The following ATP8B4 variants were observed in gnomAD, a reference collection of about 807,000 sequenced individuals.
The protein encoded by ATP8B4 is ATPase phospholipid transporting 8B4 (putative), also known as probable phospholipid-transporting ATPase IM.
A neutral mutation model predicts 145.6 loss-of-function variants in ATP8B4; 133 were observed. That is an observed-to-expected ratio of 0.91 (90% confidence interval 0.79 to 1.05). The LOEUF (loss-of-function observed/expected upper bound fraction) is 1.05. ATP8B4 is among the 50% of genes least tolerant of loss of function. ATP8B4 has a pLI of 0.00. For missense variants in ATP8B4, 1,458 were observed against 1,425.2 expected (o/e 1.02, Z -0.37); for synonymous variants, 507 against 492.9 (o/e 1.03, Z -0.38).
Position 49,862,512 on chromosome 15 carries a change from A to C in ATP8B4, c.3167-137T>G, listed in dbSNP as rs1244068553. 3.9e-6 allele frequency: 4 copies of C among 1,017,732 alleles called. No homozygotes were observed. In the African/African-American group the frequency reaches 6.7e-5, roughly 17 times the overall value. 63.0% of individuals were successfully genotyped at this position (1,017,732 alleles called of 1,614,324 possible). On this transcript the variant is annotated intron_variant, in intron 26 of 27. Coordinates refer to ENST00000284509, the MANE Select transcript of ATP8B4 (RefSeq NM_024837.4). The stretch of plus-strand genomic sequence containing the variant: ...TCTGTCTTCCAGGCTGGTGGAATGC[A>C]GTGGTGCGATCTCAGCTCACTGCAA...
chr15:49,963,080 C>G (rs775099292), intron 13 of ATP8B4, among the ~76,000 whole-genome samples: 1 of 151,694 alleles, frequency 6.6e-6, no homozygotes. Context: ...AGAAAAAACC[C>G]GACAACCGCC....
At chr15:49,941,410 G>A (rs867134686) in intron 14 of ATP8B4, among the ~76,000 whole-genome samples, 2 of 152,084 alleles carry the variant, frequency 1.3e-5, no homozygotes, top group South Asian at 2.1e-4. Flanking sequence ...ATAGGCTGGT[G>A]CAAGGTAACA....
chr15:50,057,806 TA>T (rs1422554495), intron 3 of ATP8B4, among the ~76,000 whole-genome samples: 1 of 152,238 alleles, frequency 6.6e-6, no homozygotes, highest in Non-Finnish European at 1.5e-5. Context: ...GGCCTAGGAA[TA>T]GTAATTTATC....
chr15:49,964,226 A>G (rs1320512798), intron 13 of ATP8B4, among the ~76,000 whole-genome samples: 1 of 152,052 alleles, frequency 6.6e-6, no homozygotes, highest in Non-Finnish European at 1.5e-5. Flanking sequence ...TGAGCTAGTG[A>G]GTGAATCTGG....
chr15:50,078,528 A>T (rs1375594967), intron 2 of ATP8B4, among the ~76,000 whole-genome samples: 1 of 152,064 alleles, frequency 6.6e-6, no homozygotes, highest in East Asian at 1.9e-4. Context: ...TATCAAAATG[A>T]CAAACAGGAG....
chr15:50,117,270 G>A (rs192352910), intron 1 of ATP8B4, among the ~76,000 whole-genome samples: 26 of 152,114 alleles, frequency 1.7e-4, no homozygotes, highest in South Asian at 4.1e-4. Flanking sequence ...GGGTAGTCTC[G>A]AACTCCTGAC....
At chr15:49,894,270 C>T (rs1477713275) in intron 23 of ATP8B4, among the ~76,000 whole-genome samples, 7 of 152,158 alleles carry the variant, frequency 4.6e-5, no homozygotes, top group Non-Finnish European at 1.0e-4. Context: ...AGAGCAAAGG[C>T]TTAGTGAATA....
At chr15:50,072,974 CTCTCTCTATATATATATATATATATATA>C (rs2053898677) in intron 3 of ATP8B4, among the ~76,000 whole-genome samples, 1 of 26,846 alleles carries the variant, frequency 3.7e-5, no homozygotes, top group Admixed American at 5.1e-4. Flanking sequence ...CTCTCTCTCT[CTCTCTCTATATATATATATATATATATA>C]TATATATATA....
chr15:49,917,140 T>A, intron 19 of ATP8B4, 101 bp from the exon 20 acceptor site: 1 of 1,082,266 alleles, frequency 9.2e-7, no homozygotes, highest in Non-Finnish European at 1.4e-6. Context: ...TCTTAAAGCC[T>A]ACAGGGGGCT....
In ATP8B4 at chr15:49,876,824, G is replaced by A. The variant is rs952836000; in HGVS notation, c.2782-301C>T. 1.3e-4 allele frequency: 62 copies of A among 485,588 alleles called. 1 individual carries two copies. The highest frequency in any genetic ancestry group is 6.4e-4 in the South Asian group (37 of 57,464). The allele number at this position is 485,588 out of a possible 1,614,324, so 30.1% of individuals were successfully genotyped here. A position where few individuals can be genotyped will look rare whatever the true frequency, so the allele number is the denominator to read the frequency against. On this transcript the variant is annotated intron_variant, in intron 24 of 27. Transcript: ENST00000284509. ...CCTAGCTATTTGGCTTCAAATTGAA[G>A]TTTCTTTCCTACACTCTCCTGCAGG... is the stretch of plus-strand genomic sequence containing the variant.
chr15:50,087,107 TTATATTTATTATATATAATATATAGATC>T (rs1181995897), intron 2 of ATP8B4, among the ~76,000 whole-genome samples: 19 of 46,496 alleles, frequency 4.1e-4, no homozygotes, highest in African/African-American at 1.3e-3. Context: ...TAAATATAGA[TTATATTTATTATATATAATATATAGATC>T]TATATTTATT....
intron 2 of ATP8B4, among the ~76,000 whole-genome samples, chr15:50,084,837 C>G (rs1205222491): frequency 6.6e-6 from 1 of 152,142 alleles, no homozygotes; most frequent in South Asian, 2.1e-4. Context: ...GCCCTTGACC[C>G]TCCTGCCTCC....
At chr15:50,131,425 T>C (rs1172012688) in intron 1 of ATP8B4, among the ~76,000 whole-genome samples, 1 of 152,154 alleles carries the variant, frequency 6.6e-6, no homozygotes, top group African/African-American at 2.4e-5. Context: ...ATGGCAGAAG[T>C]GGAATTTGAA....
At chr15:50,147,580 G>A (rs1254712875) in intron 1 of ATP8B4, among the ~76,000 whole-genome samples, 1 of 152,124 alleles carries the variant, frequency 6.6e-6, no homozygotes, top group East Asian at 1.9e-4. Flanking sequence ...AGAAATGGTT[G>A]ATTCCAGGGC....
chr15:49,931,993 T>C (rs547616168), intron 15 of ATP8B4, among the ~76,000 whole-genome samples: 1 of 151,452 alleles, frequency 6.6e-6, no homozygotes, highest in South Asian at 2.1e-4. Context: ...TATATACATA[T>C]AGAGAGAGAG....
At chr15:50,053,889 G>T (rs1238045965) in intron 3 of ATP8B4, among the ~76,000 whole-genome samples, 1 of 152,200 alleles carries the variant, frequency 6.6e-6, no homozygotes, top group East Asian at 1.9e-4. Context: ...AAAGCAAATA[G>T]AAAATAACAA....
chr15:50,122,528 T>C (rs1370339064), upstream of ATP8B4, among the ~76,000 whole-genome samples: 1 of 82,206 alleles, frequency 1.2e-5, no homozygotes, highest in Non-Finnish European at 2.3e-5. Flanking sequence ...TTTTGTTGTG[T>C]TTGTCTGTTT....
At chr15:50,005,606 C>A (rs2048240010) in intron 7 of ATP8B4, among the ~76,000 whole-genome samples, 1 of 152,106 alleles carries the variant, frequency 6.6e-6, no homozygotes, top group Non-Finnish European at 1.5e-5. Context: ...CATGGCCCTT[C>A]CAAAGTCATT....
intron 6 of ATP8B4, among the ~76,000 whole-genome samples, chr15:50,034,228 G>GTTT (rs35916300): frequency 4.8e-5 from 6 of 123,736 alleles, no homozygotes; most frequent in East Asian, 4.6e-4. Flanking sequence ...TCCTTTCCTT[G>GTTT]TTTTTTTTTT....
Sources: gnomAD v4.1 joint callset for allele counts (sites outside exome capture counted in the v4.1 genomes callset) on GRCh38, gnomAD v4.1.1 for gene constraint, MANE v1.5 for transcripts, NCBI Gene and HGNC (gene_info 2026-07-23, HGNC 2026-07-21) for gene names.